Variants in PDE4B observed in about 807,000 individuals in gnomAD.
PDE4B encodes phosphodiesterase 4B.
A neutral mutation model predicts 82.2 loss-of-function variants in PDE4B; 20 were observed. The ratio of observed to expected loss-of-function variants is 0.24; its 90% CI spans 0.17 to 0.35. The LOEUF (loss-of-function observed/expected upper bound fraction) is 0.35, where lower values mean the gene tolerates loss of function less well. Among genes scored for constraint, PDE4B ranks in the 10% least tolerant of loss-of-function variants. The pLI is 1.00. For missense variants in PDE4B, 655 were observed against 907.2 expected (o/e 0.72, Z 3.57); for synonymous variants, 320 against 318.9 (o/e 1.00, Z -0.04).
intron 3 of PDE4B, among the ~76,000 whole-genome samples, chr1:65,948,265 T>A (rs925676867): frequency 6.6e-6 from 1 of 151,750 alleles, no homozygotes; most frequent in Non-Finnish European, 1.5e-5. Context: ...ATACCTCTAC[T>A]CTTAGCAGGA....
At chr1:65,827,991 C>T (rs1008842422) in intron 1 of PDE4B, among the ~76,000 whole-genome samples, 1 of 151,970 alleles carries the variant, frequency 6.6e-6, no homozygotes, top group Non-Finnish European at 1.5e-5. Context: ...ACTGAAGTGA[C>T]GTATTTAAAG....
At chr1:65,942,364 T>C (rs996798129) in intron 3 of PDE4B, among the ~76,000 whole-genome samples, 2 of 150,892 alleles carry the variant, frequency 1.3e-5, no homozygotes, top group African/African-American at 4.9e-5. Context: ...AATTCCTTCT[T>C]TTTTTTTTAA....
At chr1:66,037,251 AATTCTTCCAGTCTATAAACATG>A (rs1654117925) in intron 3 of PDE4B, among the ~76,000 whole-genome samples, 1 of 152,144 alleles carries the variant, frequency 6.6e-6, no homozygotes, top group Admixed American at 6.6e-5. Flanking sequence ...TAAAAATATT[AATTCTTCCAGTCTATAAACATG>A]GGATATCTTT....
At chr1:66,120,875 A>G (rs186031364) in intron 3 of PDE4B, among the ~76,000 whole-genome samples, 7 of 152,206 alleles carry the variant, frequency 4.6e-5, no homozygotes, top group African/African-American at 1.4e-4. Flanking sequence ...TTTCCCTACT[A>G]TTTTATCTGG....
intron 1 of PDE4B, among the ~76,000 whole-genome samples, chr1:65,862,677 C>G (rs554063420): frequency 1.3e-5 from 2 of 152,076 alleles, no homozygotes; most frequent in African/African-American, 2.4e-5. Flanking sequence ...TCCGTCTGGT[C>G]CTGGACCTTT....
At chr1:66,311,648 A>G (rs532761349) in intron 7 of PDE4B, among the ~76,000 whole-genome samples, 11 of 152,368 alleles carry the variant, frequency 7.2e-5, no homozygotes, top group African/African-American at 2.2e-4. Context: ...CAGTCTCTGA[A>G]GTGACCCCTA....
chr1:66,061,573 G>C (rs893197838), intron 3 of PDE4B, among the ~76,000 whole-genome samples: 19 of 152,062 alleles, frequency 1.2e-4, no homozygotes, highest in Admixed American at 6.6e-4. Context: ...CTGAAGTTCT[G>C]TGAGCTACAC....
intron 7 of PDE4B, among the ~76,000 whole-genome samples, chr1:66,310,225 AC>A (rs1373864072): frequency 6.6e-6 from 1 of 152,170 alleles, no homozygotes; most frequent in African/African-American, 2.4e-5. Context: ...ATCATTTGGT[AC>A]AACACCCACA....
intron 7 of PDE4B, among the ~76,000 whole-genome samples, chr1:66,277,174 A>G (rs988953303): frequency 3.3e-5 from 5 of 152,064 alleles, no homozygotes; most frequent in Non-Finnish European, 7.4e-5. Flanking sequence ...AGTAACCAAC[A>G]CCTCAGAGAT....
intron 3 of PDE4B, among the ~76,000 whole-genome samples, chr1:65,935,339 A>G (rs903274908): frequency 3.3e-5 from 5 of 152,064 alleles, no homozygotes; most frequent in African/African-American, 7.2e-5. Context: ...TAAAAATACA[A>G]CATACCAAAA....
chr1:66,258,365 T>C (rs571470906), intron 6 of PDE4B, among the ~76,000 whole-genome samples: 10 of 152,248 alleles, frequency 6.6e-5, no homozygotes, highest in Non-Finnish European at 1.3e-4. Context: ...AATTATATGA[T>C]CTTGGCATTT....
intron 1 of PDE4B, among the ~76,000 whole-genome samples, chr1:65,881,155 C>A (rs1646703907): frequency 6.6e-6 from 1 of 152,294 alleles, no homozygotes; most frequent in African/African-American, 2.4e-5. Context: ...TAAATTAAAT[C>A]CTTTGAGTGC....
chr1:65,824,660 C>CATAT (rs560340376), intron 1 of PDE4B, among the ~76,000 whole-genome samples: 1 of 149,334 alleles, frequency 6.7e-6, no homozygotes, highest in Non-Finnish European at 1.5e-5. Flanking sequence ...TATATACATA[C>CATAT]ATATATATAT....
At chr1:66,302,017 T>G (rs1349608157) in intron 7 of PDE4B, among the ~76,000 whole-genome samples, 1 of 152,132 alleles carries the variant, frequency 6.6e-6, no homozygotes, top group Admixed American at 6.5e-5. Flanking sequence ...TTTGGACTGT[T>G]CAACTACAGT....
chr1:66,065,481 A>C (rs1557535964), intron 3 of PDE4B, among the ~76,000 whole-genome samples: 2 of 151,954 alleles, frequency 1.3e-5, no homozygotes, highest in Non-Finnish European at 2.9e-5. Flanking sequence ...AAAACAAAAC[A>C]AAACCGGATT....
chr1:66,186,393 G>A (rs917706260), intron 3 of PDE4B, among the ~76,000 whole-genome samples: 17 of 152,182 alleles, frequency 1.1e-4, no homozygotes, highest in Non-Finnish European at 2.1e-4. Context: ...TAACTTGATG[G>A]AGATAGCATC....
chr1:66,137,792 T>C (rs1261681274), intron 3 of PDE4B, among the ~76,000 whole-genome samples: 1 of 152,204 alleles, frequency 6.6e-6, no homozygotes, highest in Non-Finnish European at 1.5e-5. Context: ...TTATCACCTT[T>C]CCCCTCTCCT....
At chr1:66,285,184 G>A (rs550082008) in intron 7 of PDE4B, among the ~76,000 whole-genome samples, 55 of 152,224 alleles carry the variant, frequency 3.6e-4, no homozygotes, top group South Asian at 1.2e-3. Flanking sequence ...AAACAACTCT[G>A]TGAGTTCTTA....
At chr1:66,245,164 C>G (rs1359442972) in intron 3 of PDE4B, among the ~76,000 whole-genome samples, 1 of 152,156 alleles carries the variant, frequency 6.6e-6, no homozygotes, top group Non-Finnish European at 1.5e-5. Context: ...GACACAGGCA[C>G]AGTGCTTCCA....
Sources: gnomAD v4.1 joint callset for allele counts (sites outside exome capture counted in the v4.1 genomes callset) on GRCh38, gnomAD v4.1.1 for gene constraint, MANE v1.5 for transcripts, NCBI Gene and HGNC (gene_info 2026-07-23, HGNC 2026-07-21) for gene names.